MSL3: variants seen among roughly 807,000 people sequenced by gnomAD.
MSL3 encodes the protein MSL complex subunit 3, also known as MSL3-like 1.
In MSL3, 5 loss-of-function variants were observed where a neutral mutation model predicts 37.2. The observed-to-expected ratio is 0.13, with a 90% CI of 0.07 to 0.28. MSL3 has a LOEUF of 0.28. MSL3 is among the 10% of genes least tolerant of loss of function. The pLI is 1.00. For synonymous variants in MSL3, 149 were observed against 147.6 expected (o/e 1.01, Z -0.07); for missense variants, 315 against 408.5 (o/e 0.77, Z 1.97).
rs148310712 is a variant in MSL3 at position 11,763,840 on chromosome X, G to A, written c.810G>A (p.Pro270=). Residue 270 remains proline (P), a synonymous_variant, in exon 8 of 13, where the codon CCG becomes CCA. Transcript: ENST00000312196. ...GLRITFDYTL[P]LVLLYPYEQA... ...GAATAACCTTTGATTACACTCTCCC[G>A]TTGGTTTTACTCTATCCATATGAAC... 54 of 1,204,320 alleles carry A rather than the reference G, an allele frequency of 4.5e-5. No homozygotes were observed. In the Middle Eastern group the frequency reaches 1.2e-3, roughly 26 times the overall value.
chrX:11,765,694 C>T lies in MSL3; in HGVS notation c.1136C>T (p.Ala379Val), dbSNP rs375933028. The T allele has an allele frequency of 1.5e-4, 185 of 1,210,835 alleles. No individual in the cohort carries two copies. The highest frequency in any genetic ancestry group is 2.0e-4 in the Non-Finnish European group (177 of 895,344). Residue 379 changes from alanine to valine, a missense_variant, in exon 9 of 13, where the codon GCC (alanine) becomes GTC (valine). By Grantham distance (64) the Ala-to-Val change is moderately conservative. Coordinates refer to ENST00000312196, the MANE Select transcript of MSL3 (RefSeq NM_078629.4). ...QPKRRQQDTS[A>V]SMPKLFLHLE... Reference sequence around the variant, plus strand: ...AAGCGCCGGCAGCAGGACACATCCGCCAGCATGCCCAAGCTCTTCCTGCAC... The same window carrying T: ...AAGCGCCGGCAGCAGGACACATCCGTCAGCATGCCCAAGCTCTTCCTGCAC...
chrX:11,774,761 C>T (rs944730380), intron 12 of MSL3, among the ~76,000 whole-genome samples: 10 of 110,743 alleles, frequency 9.0e-5, no homozygotes, highest in African/African-American at 3.3e-4. Flanking sequence ...TCCATTTGTA[C>T]ACCTGATGAT....
upstream of MSL3, chrX:11,758,187 T>TCCCCGC (rs1323682373): frequency 8.9e-6 from 1 of 112,360 alleles, no homozygotes; most frequent in Non-Finnish European, 1.6e-5. Context: ...GCGCACCGCC[T>TCCCCGC]CCCCGCCCCC....
chrX:11,758,587 C>G, intron 1 of MSL3: 2 of 1,118,486 alleles, frequency 1.8e-6, no homozygotes, highest in Non-Finnish European at 2.4e-6. Context: ...GCGGCGCACG[C>G]GCGGTTGGGA....
rs185132508 is a variant in MSL3, at chrX:11,761,549, T to G, written c.432T>G (p.Ser144Arg). The G allele has an allele frequency of 8.4e-7, 1 of 1,191,548 alleles. No homozygotes were observed. Among genetic ancestry groups the G allele is most frequent in the Admixed American group, 2.2e-5 (1 of 44,814 alleles). ...DCSENKDEEI[S>R]EESDIEEKTE... The stretch of plus-strand genomic sequence containing the variant: ...GTGAAAACAAGGATGAAGAAATAAG[T>G]GAAGAAAGTGATATTGAAGAAAAGA... Residue 144 changes from serine (S) to arginine (R), a missense_variant, in exon 5 of 13, where the codon AGT becomes AGG. Coordinates refer to ENST00000312196, the MANE Select transcript of MSL3 (RefSeq NM_078629.4).
rs142968551 is a variant in MSL3 at position 11,775,019 on chromosome X, G to A, written c.1506G>A (p.Ser502=). The change falls in exon 13 of 13, where the codon TCG becomes TCA. Residue 502 remains serine, a synonymous_variant. Transcript: ENST00000312196. The part of the protein sequence containing the change: ...AEYHDDFFPE[S]AYVAACEAHY... ...ACCACGATGACTTCTTCCCAGAGTC[G>A]GCTTATGTCGCTGCCTGTGAGGCAC... The A allele has an allele frequency of 1.8e-3, 2,165 of 1,207,498 alleles. 21 individuals are homozygous for A. The African/African-American group carries it at 0.032, about 18-fold the overall frequency.
intron 5 of MSL3, 60 bp downstream of exon 5, chrX:11,761,642 A>G (rs986038598): frequency 4.7e-6 from 3 of 642,317 alleles, no homozygotes; most frequent in Admixed American, 6.1e-5. Flanking sequence ...GTAAAAATTC[A>G]CAGTGAAATA....
Position 11,760,448 on chromosome X carries a change from T to C in MSL3, c.231T>C (p.Asp77=), listed in dbSNP as rs1255309888. The C allele has an allele frequency of 8.3e-7, 1 of 1,203,673 alleles. No individual in the cohort carries two copies. Among genetic ancestry groups the C allele is most frequent in the African/African-American group, 1.8e-5 (1 of 57,134 alleles). The change falls in exon 3 of 13, where the codon GAT becomes GAC. Residue 77 remains aspartate (D), a synonymous_variant. Coordinates refer to ENST00000312196, the MANE Select transcript of MSL3 (RefSeq NM_078629.4). ...AAEDHVLRDT[D]ENRRLQRKLA... is the part of the protein sequence containing the mutation. ...AAGATCATGTGCTTCGTGATACCGATGAAAATCGTAGATTACAGCGTAAAT... is the reference window on the plus strand; with the variant it reads ...AAGATCATGTGCTTCGTGATACCGACGAAAATCGTAGATTACAGCGTAAAT...
At position 11,768,613 on chromosome X, in the gene MSL3, G is replaced by A; in HGVS notation, c.1212G>A (p.Leu404=). 6 of 1,208,292 alleles carry A rather than the reference G, an allele frequency of 5.0e-6. No individual in the cohort carries two copies. Among genetic ancestry groups the A allele is most frequent in the Non-Finnish European group, 6.7e-6 (6 of 892,378 alleles). Residue 404 remains leucine, a synonymous_variant, in exon 10 of 13, where the codon CTG becomes CTA. Coordinates refer to ENST00000312196, the MANE Select transcript of MSL3 (RefSeq NM_078629.4). ...GCAGATCATCTTCACCTATTCCTCT[G>A]ACTCCTAGCAAGGAAGGGAGTGCTG... ...VHSRSSSPIP[L]TPSKEGSAVF...
At chrX:11,767,555 G>A (rs1182185036) in intron 9 of MSL3, 5 of 114,477 alleles carry the variant, frequency 4.4e-5, no homozygotes, top group South Asian at 3.7e-4. Flanking sequence ...CTGGCGGATC[G>A]CTTGAGGCCC....
chrX:11,768,757 G>A, intron 10 of MSL3, 75 bp downstream of exon 10: 1 of 667,169 alleles, frequency 1.5e-6, no homozygotes, highest in Middle Eastern at 3.2e-4. Flanking sequence ...TGGAAGTCAA[G>A]GTTCTTAAAG....
chrX:11,760,982 C>T (rs1314450354), intron 4 of MSL3, 45 bp downstream of exon 4: 1 of 931,851 alleles, frequency 1.1e-6, no homozygotes, highest in Non-Finnish European at 1.5e-6. Context: ...GAACTTCCAC[C>T]TAGACTGAGA....
At position 11,765,708 on chromosome X, in the gene MSL3, C is replaced by G; in HGVS notation, c.1150C>G (p.Leu384Val). The G allele has an allele frequency of 8.2e-7, 1 of 1,212,174 alleles. No homozygotes were observed. Among genetic ancestry groups the G allele is most frequent in the Non-Finnish European group, 1.1e-6 (1 of 895,542 alleles). The change falls in exon 9 of 13, where the codon CTC (leucine) becomes GTC (valine). Residue 384 changes from leucine (L) to valine (V), a missense_variant. Transcript: ENST00000312196. ...GGACACATCCGCCAGCATGCCCAAG[C>G]TCTTCCTGCACCTGGAAAAGAGTAG... ...QQDTSASMPK[L>V]FLHLEKKTPV...
Position 11,775,108 on chromosome X carries a change from C to T in MSL3, c.*29C>T, listed in dbSNP as rs1311922359. The stretch of plus-strand genomic sequence containing the variant: ...GTTGTTGGTTCTGTAAGAGCAACTG[C>T]TCTGTCTAGTTTGGCGCTCTGGGTT... On this transcript the variant is annotated 3_prime_UTR_variant, in exon 13 of 13. Transcript: ENST00000312196. The T allele has an allele frequency of 1.7e-5, 19 of 1,092,460 alleles. No individual in the cohort carries two copies. The highest frequency in any genetic ancestry group is 2.4e-5 in the Non-Finnish European group (19 of 788,877). 90.0% of individuals were successfully genotyped at this position (1,092,460 alleles called of 1,213,427 possible). A position where few individuals can be genotyped will look rare whatever the true frequency, so the allele number is the denominator to read the frequency against.
At chrX:11,765,036 G>C (rs2053167232) in intron 8 of MSL3, among the ~76,000 whole-genome samples, 1 of 112,610 alleles carries the variant, frequency 8.9e-6, no homozygotes, top group Non-Finnish European at 1.9e-5. Flanking sequence ...GAGGTGGTAG[G>C]GTATTCTTGT....
At chrX:11,762,756 C>G (rs1463119900) in intron 6 of MSL3, 81 bp from the exon 7 acceptor site, 2 of 924,865 alleles carry the variant, frequency 2.2e-6, no homozygotes, top group African/African-American at 2.0e-5. Context: ...AAAAATGATA[C>G]AGACATGACC....
chrX:11,771,896 C>G (rs1010380345), intron 10 of MSL3, among the ~76,000 whole-genome samples: 1 of 112,032 alleles, frequency 8.9e-6, no homozygotes, highest in Non-Finnish European at 1.9e-5. Context: ...GCAGAATTTT[C>G]AATAAAGAGA....
chrX:11,769,669 T>C (rs2053215576), intron 10 of MSL3, among the ~76,000 whole-genome samples: 1 of 112,312 alleles, frequency 8.9e-6, no homozygotes. Flanking sequence ...AGTGGCAGGA[T>C]GTTAGCTCAC....
chrX:11,773,343 C>A (rs1334834209), intron 12 of MSL3, among the ~76,000 whole-genome samples: 3 of 111,675 alleles, frequency 2.7e-5, no homozygotes, highest in African/African-American at 9.8e-5. Flanking sequence ...TAGTTGTCCC[C>A]CTGCCTCACC....
Sources: gnomAD v4.1 joint callset for allele counts (sites outside exome capture counted in the v4.1 genomes callset) on GRCh38, gnomAD v4.1.1 for gene constraint, MANE v1.5 for transcripts, NCBI Gene and HGNC (gene_info 2026-07-23, HGNC 2026-07-21) for gene names.